Variants in ROR1 observed in about 807,000 individuals in gnomAD.
ROR1 encodes ROR family WNT receptor 1.
Under a neutral mutation model 78.8 loss-of-function variants are expected in ROR1, and 19 were observed. The observed-to-expected ratio is 0.24, with a 90% CI of 0.17 to 0.35. The LOEUF (loss-of-function observed/expected upper bound fraction) is 0.35, where lower values mean the gene tolerates loss of function less well. Ranked by LOEUF, ROR1 falls within the 10% of genes least tolerant of loss-of-function variation. The pLI, the probability that ROR1 is intolerant of heterozygous loss-of-function variation, is 1.00. For missense variants in ROR1, 917 were observed against 1,177.8 expected (o/e 0.78, Z 3.24); for synonymous variants, 386 against 433.6 (o/e 0.89, Z 1.36).
intron 2 of ROR1, among the ~76,000 whole-genome samples, chr1:64,031,686 C>T (rs1344030428): frequency 3.9e-5 from 6 of 152,214 alleles, no homozygotes; most frequent in Non-Finnish European, 5.9e-5. Flanking sequence ...TTCTACTCAA[C>T]AGAATTGGAT....
intron 1 of ROR1, among the ~76,000 whole-genome samples, chr1:63,942,019 C>G (rs1224100556): frequency 6.6e-6 from 1 of 152,162 alleles, no homozygotes; most frequent in African/African-American, 2.4e-5. Context: ...GATTCAAATT[C>G]AGGCATTCTA....
intron 8 of ROR1, among the ~76,000 whole-genome samples, chr1:64,171,022 C>A (rs1650224528): frequency 6.6e-6 from 1 of 152,194 alleles, no homozygotes. Flanking sequence ...TTCCTGTCTT[C>A]TTCTAAGCCC....
intron 8 of ROR1, among the ~76,000 whole-genome samples, chr1:64,161,018 G>A (rs1649928199): frequency 1.3e-5 from 2 of 152,272 alleles, no homozygotes; most frequent in African/African-American, 4.8e-5. Flanking sequence ...TTTTAGTGGA[G>A]GTTTGTTTTA....
At chr1:64,074,817 G>C (rs778475730) in intron 4 of ROR1, among the ~76,000 whole-genome samples, 2 of 152,222 alleles carry the variant, frequency 1.3e-5, no homozygotes, top group Non-Finnish European at 2.9e-5. Context: ...AGCAACAATG[G>C]GGGAGTTACT....
chr1:63,990,279 A>G (rs1211302985), intron 1 of ROR1, among the ~76,000 whole-genome samples: 2 of 152,160 alleles, frequency 1.3e-5, no homozygotes, highest in Non-Finnish European at 2.9e-5. Flanking sequence ...GTGGGAGAGT[A>G]TTTTGGCTGG....
chr1:64,157,860 T>G (rs1349050702), intron 7 of ROR1, among the ~76,000 whole-genome samples: 1 of 152,238 alleles, frequency 6.6e-6, no homozygotes, highest in African/African-American at 2.4e-5. Context: ...TTTATTGACT[T>G]ACTGAATGAG....
At chr1:64,113,622 A>G (rs1648199379) in intron 4 of ROR1, 1 of 152,058 alleles carries the variant, frequency 6.6e-6, no homozygotes, top group Admixed American at 6.6e-5. Context: ...TTGGGGTGAA[A>G]ACTCACATTG....
At position 64,020,229 on chromosome 1, in the gene ROR1, A is replaced by G. The variant is rs376367027; in HGVS notation, c.163+10853A>G. On this transcript the variant is annotated intron_variant, in intron 2 of 8. Transcript: ENST00000371079. Reference sequence around the variant, plus strand: ...TAAAGTAACATCAGGAAACTAAGAGAGATTTAAGCAACTTGCCCTACGTCA... The same window carrying G: ...TAAAGTAACATCAGGAAACTAAGAGGGATTTAAGCAACTTGCCCTACGTCA... Among the ~76,000 whole-genome samples, 31 of 152,328 alleles carry G rather than the reference A, an allele frequency of 2.0e-4. 2 individuals carry two copies. Among genetic ancestry groups the G allele is most frequent in the Admixed American group, 1.1e-3 (17 of 15,296 alleles).
intron 4 of ROR1, among the ~76,000 whole-genome samples, chr1:64,056,868 T>A (rs1035914995): frequency 6.6e-6 from 1 of 152,200 alleles, no homozygotes; most frequent in Non-Finnish European, 1.5e-5. Flanking sequence ...TTGAATTAAT[T>A]GTCTTTTTAT....
At position 63,926,373 on chromosome 1, in the gene ROR1, T is replaced by C. The variant is rs552007131; in HGVS notation, c.92-82932T>C. Reference sequence around the variant, plus strand: ...GGCTCTGTTCTGTTCCATTGATCTATATCTCTGTTTTGGTACCAGTACCAT... The same window carrying C: ...GGCTCTGTTCTGTTCCATTGATCTACATCTCTGTTTTGGTACCAGTACCAT... On this transcript the variant is annotated intron_variant, in intron 1 of 8. Coordinates refer to ENST00000371079, the MANE Select transcript of ROR1 (RefSeq NM_005012.4). Among the ~76,000 whole-genome samples, 44 of 152,292 alleles carry C rather than the reference T, an allele frequency of 2.9e-4. No homozygotes were observed. The East Asian group carries it at 8.1e-3, about 28-fold the overall frequency.
At chr1:63,783,754 G>T (rs1445158232) in intron 1 of ROR1, among the ~76,000 whole-genome samples, 1 of 152,190 alleles carries the variant, frequency 6.6e-6, no homozygotes, top group African/African-American at 2.4e-5. Flanking sequence ...TTGAAAAGGT[G>T]CACAGCAGAG....
chr1:64,022,582 A>G (rs1282802095), intron 2 of ROR1, among the ~76,000 whole-genome samples: 2 of 152,226 alleles, frequency 1.3e-5, no homozygotes, highest in Admixed American at 6.5e-5. Context: ...GAGCCCTGGC[A>G]TGTCCACTAA....
chr1:63,845,428 A>G (rs532335918), intron 1 of ROR1, among the ~76,000 whole-genome samples: 7 of 152,330 alleles, frequency 4.6e-5, no homozygotes, highest in African/African-American at 7.2e-5. Flanking sequence ...GGTAACTACT[A>G]TACAATAGTA....
intron 1 of ROR1, among the ~76,000 whole-genome samples, chr1:63,801,882 C>A (rs1030517579): frequency 6.6e-6 from 1 of 152,186 alleles, no homozygotes; most frequent in Non-Finnish European, 1.5e-5. Flanking sequence ...CACAACCACA[C>A]CTAACCTGTA....
chr1:63,864,453 T>C (rs1031934685), intron 1 of ROR1, among the ~76,000 whole-genome samples: 1 of 152,176 alleles, frequency 6.6e-6, no homozygotes, highest in African/African-American at 2.4e-5. Context: ...CTCAGGTGAC[T>C]CATGAACCCT....
intron 1 of ROR1, among the ~76,000 whole-genome samples, chr1:63,823,396 G>A (rs1644934726): frequency 6.7e-6 from 1 of 149,630 alleles, no homozygotes. Context: ...TATAATTTAA[G>A]ATAGCGCTTT....
rs752773676 is a variant in ROR1, at chr1:64,140,380, G to T, written c.882G>T (p.Ala294=). 1.9e-6 allele frequency: 3 copies of T among 1,613,956 alleles called. No homozygotes were observed. Among genetic ancestry groups the T allele is most frequent in the African/African-American group, 1.3e-5 (1 of 74,910 alleles). The change falls in exon 6 of 9, where the codon GCG becomes GCT. Residue 294 remains alanine, a synonymous_variant. Coordinates refer to ENST00000371079, the MANE Select transcript of ROR1 (RefSeq NM_005012.4). The stretch of plus-strand genomic sequence containing the variant: ...CCCAGCCAGAGAGCCCAGAAGCTGC[G>T]AACTGTATCCGGATTGGAATTCCCA... The part of the protein sequence containing the change: ...DLPQPESPEA[A]NCIRIGIPMA...
chr1:63,890,867 C>T (rs530919113), intron 1 of ROR1, among the ~76,000 whole-genome samples: 7 of 152,142 alleles, frequency 4.6e-5, no homozygotes, highest in East Asian at 1.9e-4. Flanking sequence ...ATGTTGTCTA[C>T]GGCCATACCA....
intron 1 of ROR1, among the ~76,000 whole-genome samples, chr1:63,975,400 A>G (rs1646151541): frequency 6.6e-6 from 1 of 152,230 alleles, no homozygotes; most frequent in South Asian, 2.1e-4. Flanking sequence ...CCTTAGAAAT[A>G]GCAATGAAAC....
Sources: allele counts gnomAD v4.1 joint callset (sites outside exome capture counted in the v4.1 genomes callset), GRCh38; gene constraint gnomAD v4.1.1; transcripts MANE v1.5; gene names NCBI Gene and HGNC (gene_info 2026-07-23, HGNC 2026-07-21).